The following CLSTN2 variants were observed in gnomAD, a reference collection of about 807,000 sequenced individuals.
The protein encoded by CLSTN2 is calsyntenin-2.
A neutral mutation model predicts 101.2 loss-of-function variants in CLSTN2; 48 were observed. That is an observed-to-expected ratio of 0.47 (90% CI 0.38 to 0.60). The LOEUF (loss-of-function observed/expected upper bound fraction) is 0.60. Among genes scored for constraint, CLSTN2 ranks in the 20% least tolerant of loss-of-function variants. The pLI is 0.00. For missense variants in CLSTN2, 1,160 were observed against 1,238.2 expected (o/e 0.94, Z 0.95); for synonymous variants, 481 against 463.6 (o/e 1.04, Z -0.48).
intron 1 of CLSTN2, among the ~76,000 whole-genome samples, chr3:140,101,107 C>T (rs1159049238): frequency 6.6e-6 from 1 of 152,124 alleles, no homozygotes; most frequent in Non-Finnish European, 1.5e-5. Flanking sequence ...TGTCCTTTAA[C>T]TATTTTTTTA....
At chr3:140,130,214 A>G (rs1032615350) in intron 1 of CLSTN2, among the ~76,000 whole-genome samples, 9 of 152,172 alleles carry the variant, frequency 5.9e-5, no homozygotes, top group African/African-American at 2.2e-4. Context: ...GTGAATTTGG[A>G]AAGTTCCATG....
intron 2 of CLSTN2, among the ~76,000 whole-genome samples, chr3:140,313,712 C>A (rs886796152): frequency 5.3e-5 from 8 of 152,200 alleles, no homozygotes; most frequent in African/African-American, 1.4e-4. Flanking sequence ...TCTATACTCA[C>A]AAAGTGAAGT....
At chr3:140,099,038 C>A (rs1251679582) in intron 1 of CLSTN2, among the ~76,000 whole-genome samples, 1 of 152,138 alleles carries the variant, frequency 6.6e-6, no homozygotes, top group Non-Finnish European at 1.5e-5. Context: ...TGCCAGATGC[C>A]ACAGTCCAGA....
At chr3:139,996,399 G>GT (rs200517727) in intron 1 of CLSTN2, among the ~76,000 whole-genome samples, 6,538 of 151,902 alleles carry the variant, frequency 0.043, 155 homozygotes, top group Non-Finnish European at 0.051. Flanking sequence ...GTTGTTTTTT[G>GT]TTTTTTTTGA....
intron 2 of CLSTN2, among the ~76,000 whole-genome samples, chr3:140,200,359 C>A (rs569473875): frequency 6.6e-6 from 1 of 152,288 alleles, no homozygotes. Flanking sequence ...TCCCCTAAGT[C>A]ATTTCAGGAA....
intron 1 of CLSTN2, among the ~76,000 whole-genome samples, chr3:139,954,858 T>A: frequency 6.6e-6 from 1 of 151,978 alleles, no homozygotes; most frequent in Non-Finnish European, 1.5e-5. Context: ...TTGATACAAA[T>A]TCTGCGTTTC....
chr3:140,087,369 A>G (rs1191099819), intron 1 of CLSTN2, among the ~76,000 whole-genome samples: 1 of 152,228 alleles, frequency 6.6e-6, no homozygotes, highest in Non-Finnish European at 1.5e-5. Context: ...AATTGTAGCC[A>G]TTCTTCTTAT....
intron 1 of CLSTN2, among the ~76,000 whole-genome samples, chr3:139,992,584 A>G (rs1380185193): frequency 2.6e-5 from 4 of 152,164 alleles, no homozygotes; most frequent in Non-Finnish European, 4.4e-5. Flanking sequence ...AGCACCTATT[A>G]TGTGTCAGGC....
At chr3:140,219,850 T>C (rs983504077) in intron 2 of CLSTN2, among the ~76,000 whole-genome samples, 3 of 152,232 alleles carry the variant, frequency 2.0e-5, no homozygotes, top group East Asian at 1.9e-4. Flanking sequence ...ATCGCTATCA[T>C]ACCTACCTCT....
intron 1 of CLSTN2, among the ~76,000 whole-genome samples, chr3:140,015,642 T>G (rs1490290506): frequency 2.0e-5 from 3 of 152,168 alleles, no homozygotes; most frequent in Non-Finnish European, 4.4e-5. Flanking sequence ...AGGAACAGAT[T>G]TGGGTGGAAA....
At chr3:140,429,839 C>T (rs549234023) in intron 5 of CLSTN2, among the ~76,000 whole-genome samples, 4 of 152,246 alleles carry the variant, frequency 2.6e-5, no homozygotes, top group South Asian at 4.2e-4. Context: ...TCTCATGAGA[C>T]TCCATAGGCA....
At chr3:140,335,438 T>A (rs2087430371) in intron 2 of CLSTN2, among the ~76,000 whole-genome samples, 2 of 147,286 alleles carry the variant, frequency 1.4e-5, no homozygotes, top group Admixed American at 1.4e-4. Context: ...GTGCATTTGC[T>A]CAGAAGATGT....
At chr3:140,078,048 G>A (rs1042963040) in intron 1 of CLSTN2, among the ~76,000 whole-genome samples, 8 of 152,184 alleles carry the variant, frequency 5.3e-5, no homozygotes, top group Non-Finnish European at 1.0e-4. Flanking sequence ...CGGTGGATGA[G>A]GGGAAGATGA....
At chr3:140,360,068 C>A (rs955278507) in intron 2 of CLSTN2, among the ~76,000 whole-genome samples, 60 of 152,024 alleles carry the variant, frequency 3.9e-4, no homozygotes, top group Non-Finnish European at 3.7e-4. Context: ...CTCCCACTCC[C>A]ATGCTGGGAA....
At chr3:140,477,102 C>T (rs752182820) in intron 8 of CLSTN2, among the ~76,000 whole-genome samples, 1 of 152,174 alleles carries the variant, frequency 6.6e-6, no homozygotes, top group South Asian at 2.1e-4. Flanking sequence ...AAAGCAATAA[C>T]CCTGGAGGCC....
chr3:140,206,492 G>T (rs2010784314), intron 2 of CLSTN2, among the ~76,000 whole-genome samples: 1 of 152,184 alleles, frequency 6.6e-6, no homozygotes, highest in African/African-American at 2.4e-5. Context: ...AGTGCTTCAG[G>T]CTGGCTCTGG....
chr3:140,255,401 G>A (rs554022687), intron 2 of CLSTN2, among the ~76,000 whole-genome samples: 12 of 152,254 alleles, frequency 7.9e-5, no homozygotes, highest in South Asian at 2.1e-4. Flanking sequence ...AATCAACCTA[G>A]ATGCCCATCA....
intron 2 of CLSTN2, among the ~76,000 whole-genome samples, chr3:140,237,070 G>A (rs1559815331): frequency 6.6e-6 from 1 of 151,934 alleles, no homozygotes; most frequent in African/African-American, 2.4e-5. Context: ...TTTTTTATTG[G>A]ATTCTGGACA....
chr3:140,099,135 G>C (rs1159168275), intron 1 of CLSTN2, among the ~76,000 whole-genome samples: 1 of 152,182 alleles, frequency 6.6e-6, no homozygotes, highest in Non-Finnish European at 1.5e-5. Flanking sequence ...TAATAGAAGA[G>C]TGAAAGAGTA....
Sources: gnomAD v4.1 joint callset for allele counts (sites outside exome capture counted in the v4.1 genomes callset) on GRCh38, gnomAD v4.1.1 for gene constraint, MANE v1.5 for transcripts, NCBI Gene and HGNC (gene_info 2026-07-23, HGNC 2026-07-21) for gene names.